The following MGAT4A variants were observed in gnomAD, a reference collection of about 807,000 sequenced individuals.
MGAT4A encodes the protein N-acetylglucosaminyltransferase IVa.
In MGAT4A, 33 loss-of-function variants were observed where a neutral mutation model predicts 74.1. The observed-to-expected ratio is 0.45, with a 90% confidence interval of 0.34 to 0.60. The LOEUF (loss-of-function observed/expected upper bound fraction) is 0.60, where lower values mean the gene tolerates loss of function less well. MGAT4A is among the 20% of genes least tolerant of loss of function. The pLI is 0.02. For synonymous variants in MGAT4A, 198 were observed against 210.4 expected (o/e 0.94, Z 0.51); for missense variants, 479 against 628.3 (o/e 0.76, Z 2.54).
At position 98,621,702 on chromosome 2, in the gene MGAT4A, T is replaced by C; in HGVS notation, c.*3864A>G. On this transcript the variant is annotated 3_prime_UTR_variant, in exon 16 of 16. Coordinates refer to ENST00000393487, the MANE Select transcript of MGAT4A (RefSeq NM_012214.3). The stretch of plus-strand genomic sequence containing the variant: ...ACCACAAATATACACTGTTATTCAC[T>C]AGAATAATCTCTCCAAACGTGCTGT... The C allele has an allele frequency of 7.4e-7, 1 of 1,347,696 alleles. No homozygotes were observed. The highest frequency in any genetic ancestry group is 1.5e-5 in the African/African-American group (1 of 66,820). 83.5% of individuals were successfully genotyped at this position (1,347,696 alleles called of 1,614,324 possible). A position where few individuals can be genotyped will look rare whatever the true frequency, so the allele number is the denominator to read the frequency against.
In MGAT4A at chr2:98,677,046, C is replaced by T. The variant is rs182212892; in HGVS notation, c.262+1258G>A. ...TCATGTGTTTTTAAAACAGGTGAAG[C>T]TAAATGAAAAAGTATGCTAATCTAG... On this transcript the variant is annotated intron_variant, in intron 3 of 15. Transcript: ENST00000393487. 7.9e-5 allele frequency among the ~76,000 whole-genome samples: 12 copies of T among 152,138 alleles called. No individual in the cohort carries two copies. The East Asian group carries it at 2.3e-3, about 29-fold the overall frequency.
chr2:98,686,070 G>A (rs901699842), intron 2 of MGAT4A, among the ~76,000 whole-genome samples: 1 of 152,134 alleles, frequency 6.6e-6, no homozygotes, highest in Non-Finnish European at 1.5e-5. Flanking sequence ...GGGACAGAGA[G>A]GGTTTTCCAA....
At chr2:98,647,360 A>G (rs1270820389) in intron 8 of MGAT4A, among the ~76,000 whole-genome samples, 5 of 151,970 alleles carry the variant, frequency 3.3e-5, no homozygotes, top group Admixed American at 3.3e-4. Flanking sequence ...TGTCGCCCAC[A>G]CTGGAGTGCA....
chr2:98,624,017 C>T lies in MGAT4A; in HGVS notation c.*1549G>A, dbSNP rs79974244. 1.2e-6 allele frequency: 1 copy of T among 839,270 alleles called. No individual in the cohort carries two copies. The highest frequency in any genetic ancestry group is 1.4e-6 in the Non-Finnish European group (1 of 699,958). 52.0% of individuals were successfully genotyped at this position (839,270 alleles called of 1,614,324 possible). On this transcript the variant is annotated 3_prime_UTR_variant, in exon 16 of 16. Coordinates refer to ENST00000393487, the MANE Select transcript of MGAT4A (RefSeq NM_012214.3). ...CTGGGAACTGATGTTGATACTTCAT[C>T]TTTTTTTTTTTTTGAGACGGAGTCT...
At chr2:98,687,945 C>T (rs1164872274) in intron 2 of MGAT4A, among the ~76,000 whole-genome samples, 1 of 152,104 alleles carries the variant, frequency 6.6e-6, no homozygotes, top group Non-Finnish European at 1.5e-5. Context: ...AACAAATGAA[C>T]CTGCCTCACT....
At chr2:98,643,265 C>T (rs1701438562) in intron 10 of MGAT4A, among the ~76,000 whole-genome samples, 1 of 152,038 alleles carries the variant, frequency 6.6e-6, no homozygotes, top group African/African-American at 2.4e-5. Flanking sequence ...CTCAAGTGAT[C>T]CTCCAGTCTT....
chr2:98,662,261 C>A (rs2104270187), intron 5 of MGAT4A, among the ~76,000 whole-genome samples: 1 of 152,296 alleles, frequency 6.6e-6, no homozygotes, highest in East Asian at 1.9e-4. Flanking sequence ...ATTTCTGCAA[C>A]TTTCTGTAAA....
chr2:98,634,295 A>C (rs1045858370), intron 14 of MGAT4A, among the ~76,000 whole-genome samples: 1 of 152,160 alleles, frequency 6.6e-6, no homozygotes, highest in African/African-American at 2.4e-5. Context: ...GAGGCCATTA[A>C]ATGGGCAGAT....
chr2:98,667,754 T>C (rs1248783090), intron 4 of MGAT4A, among the ~76,000 whole-genome samples: 1 of 151,834 alleles, frequency 6.6e-6, no homozygotes, highest in Non-Finnish European at 1.5e-5. Flanking sequence ...AGTTTCGATC[T>C]TGTGGCCCAG....
chr2:98,681,573 T>C (rs558121736), intron 2 of MGAT4A, among the ~76,000 whole-genome samples: 1 of 152,288 alleles, frequency 6.6e-6, no homozygotes, highest in South Asian at 2.1e-4. Flanking sequence ...CTTCCCTCTT[T>C]ATGTGAACAA....
intron 5 of MGAT4A, 104 bp downstream of exon 5, chr2:98,662,942 C>T: frequency 1.1e-6 from 1 of 920,018 alleles, no homozygotes; most frequent in Non-Finnish European, 1.5e-6. Context: ...TTACTCATCA[C>T]ATTTTTTAAA....
At chr2:98,702,226 G>A (rs1702363555) in intron 2 of MGAT4A, among the ~76,000 whole-genome samples, 1 of 152,182 alleles carries the variant, frequency 6.6e-6, no homozygotes, top group Admixed American at 6.5e-5. Context: ...ACAGGCGTGG[G>A]GCAGGCCTTG....
At chr2:98,725,784 A>G (rs1702753058) in intron 2 of MGAT4A, among the ~76,000 whole-genome samples, 1 of 152,216 alleles carries the variant, frequency 6.6e-6, no homozygotes, top group Non-Finnish European at 1.5e-5. Context: ...CAATGCATGC[A>G]GTTTAAATCA....
chr2:98,641,785 G>A (rs902445414), intron 10 of MGAT4A, among the ~76,000 whole-genome samples: 2 of 151,876 alleles, frequency 1.3e-5, no homozygotes, highest in Admixed American at 1.3e-4. Context: ...ATGAGGTCAC[G>A]AGATTGAGAC....
intron 8 of MGAT4A, among the ~76,000 whole-genome samples, chr2:98,646,810 T>C (rs1486743585): frequency 6.6e-6 from 1 of 152,264 alleles, no homozygotes; most frequent in Non-Finnish European, 1.5e-5. Context: ...TTTAAGGGGA[T>C]GCATGTGCAG....
intron 8 of MGAT4A, among the ~76,000 whole-genome samples, chr2:98,646,619 A>C (rs1452605633): frequency 1.3e-5 from 2 of 152,156 alleles, no homozygotes; most frequent in African/African-American, 4.8e-5. Context: ...AGGCAGGAGG[A>C]TCACTTGAGC....
chr2:98,717,333 C>G (rs1276963420), intron 2 of MGAT4A, among the ~76,000 whole-genome samples: 1 of 150,420 alleles, frequency 6.6e-6, no homozygotes, highest in Non-Finnish European at 1.5e-5. Flanking sequence ...GAACCGAGAT[C>G]GTGCCACTGC....
chr2:98,705,241 G>A (rs1247222274), intron 2 of MGAT4A, among the ~76,000 whole-genome samples: 1 of 152,188 alleles, frequency 6.6e-6, no homozygotes, highest in African/African-American at 2.4e-5. Flanking sequence ...AGGTTTCACA[G>A]GTGTGATTAA....
At chr2:98,660,844 G>A (rs1445645174) in intron 5 of MGAT4A, among the ~76,000 whole-genome samples, 2 of 152,196 alleles carry the variant, frequency 1.3e-5, no homozygotes, top group South Asian at 2.1e-4. Context: ...AAAACTACAC[G>A]ACATTGGCCT....
Sources: allele counts gnomAD v4.1 joint callset (sites outside exome capture counted in the v4.1 genomes callset), GRCh38; gene constraint gnomAD v4.1.1; transcripts MANE v1.5; gene names NCBI Gene and HGNC (gene_info 2026-07-23, HGNC 2026-07-21).